SP140: variants seen among roughly 807,000 people sequenced by gnomAD.
The protein encoded by SP140 is nuclear body protein SP140.
In SP140, 81 loss-of-function variants were observed where a neutral mutation model predicts 125.0. That is an observed-to-expected ratio of 0.65 (90% confidence interval 0.54 to 0.78). The LOEUF (loss-of-function observed/expected upper bound fraction) is 0.78, where lower values mean the gene tolerates loss of function less well. Ranked by LOEUF, SP140 falls within the 30% of genes least tolerant of loss-of-function variation. SP140 has a pLI of 0.00. For missense variants in SP140, 858 were observed against 1,037.0 expected (o/e 0.83, Z 2.37); for synonymous variants, 312 against 354.0 (o/e 0.88, Z 1.33).
chr2:230,257,494 C>T (rs1432037892), intron 12 of SP140, among the ~76,000 whole-genome samples: 1 of 152,144 alleles, frequency 6.6e-6, no homozygotes, highest in African/African-American at 2.4e-5. Flanking sequence ...AGGCTGGGTG[C>T]AGTGGGTCAC....
rs1167489264 is a variant in SP140 at position 230,211,510 on chromosome 2, G to A, written c.-322-2144G>A. 1.5e-5 allele frequency: 24 copies of A among 1,612,030 alleles called. No homozygotes were observed. The highest frequency in any genetic ancestry group is 2.0e-5 in the Non-Finnish European group (24 of 1,178,084). On this transcript the variant is annotated intron_variant, in intron 1 of 4. Coordinates refer to the SP140 transcript ENST00000456542. This position sits in a 1 kb window ranked among gnomAD's most constrained non-coding sequence, Gnocchi z 4.2. ...AGGGAGAGTGGGGCATCTCTTGAGGGTCTTCTTTATCTCTTATTTGGGGGA... is the reference window on the plus strand; with the variant it reads ...AGGGAGAGTGGGGCATCTCTTGAGGATCTTCTTTATCTCTTATTTGGGGGA...
chr2:230,188,038 A>G, the SP140 span, among the ~76,000 whole-genome samples: 146,675 of 152,288 alleles, frequency 0.96, 70,671 homozygotes, highest in East Asian at 1. Flanking sequence ...AATGATGTTG[A>G]TATTTGATAA....
Position 230,234,706 on chromosome 2 carries a change from A to G in SP140, c.60-2377A>G, listed in dbSNP as rs557471707. On this transcript the variant is annotated intron_variant, in intron 1 of 26. Coordinates refer to ENST00000392045, the MANE Select transcript of SP140 (RefSeq NM_007237.5). The stretch of plus-strand genomic sequence containing the variant: ...TGGGAAATTCTCCCTCCTTTATCTT[A>G]TAAAAATTTTCATTCACTTTTTAAA... Among the ~76,000 whole-genome samples, 27 of 152,148 alleles carry G rather than the reference A, an allele frequency of 1.8e-4. 1 individual carries two copies. Among genetic ancestry groups the G allele is most frequent in the African/African-American group, 5.5e-4 (23 of 41,488 alleles).
chr2:230,221,203 C>A (rs1353594702), upstream of SP140, among the ~76,000 whole-genome samples: 1 of 151,732 alleles, frequency 6.6e-6, no homozygotes, highest in African/African-American at 2.4e-5. Context: ...ATTGCTTGAA[C>A]CCAGGAGGTG....
chr2:230,192,962 A>G, the SP140 span, among the ~76,000 whole-genome samples: 2 of 152,140 alleles, frequency 1.3e-5, no homozygotes, highest in Non-Finnish European at 2.9e-5. Flanking sequence ...GAAGTTCCCC[A>G]CTATTATTGT....
At chr2:230,190,193 C>T in the SP140 span, among the ~76,000 whole-genome samples, 10 of 152,336 alleles carry the variant, frequency 6.6e-5, no homozygotes, top group South Asian at 2.1e-3. Context: ...ATTCCTATTT[C>T]TCCACAGCCT....
chr2:230,270,553 T>G, intron 14 of SP140, 33 bp from the exon 15 acceptor site: 2 of 1,578,320 alleles, frequency 1.3e-6, no homozygotes, highest in East Asian at 2.2e-5. Context: ...TTTATTAATT[T>G]CTGTTTCCTC....
Position 230,211,256 on chromosome 2 carries a change from C to T in SP140, c.-322-2398C>T, listed in dbSNP as rs1222293658. On this transcript the variant is annotated intron_variant, in intron 1 of 4. Coordinates refer to the SP140 transcript ENST00000456542. This position sits in a 1 kb window ranked among gnomAD's most constrained non-coding sequence, Gnocchi z 4.2. ...CCTATCCAAGTCTACCTTTTCCAGA[C>T]TTGCCTCCTTTGCCCTCCCCCAGGG... 6.6e-6 allele frequency among the ~76,000 whole-genome samples: 1 copy of T among 152,194 alleles called. No homozygotes were observed. The highest frequency in any genetic ancestry group is 1.9e-4 in the East Asian group (1 of 5,182).
intron 12 of SP140, among the ~76,000 whole-genome samples, chr2:230,261,301 G>A (rs371470109): frequency 2.2e-4 from 33 of 152,164 alleles, no homozygotes; most frequent in Admixed American, 8.5e-4. Flanking sequence ...TACATTAATC[G>A]TGTATCCAGA....
At chr2:230,242,076 T>C (rs1381179550) in intron 4 of SP140, among the ~76,000 whole-genome samples, 1 of 150,282 alleles carries the variant, frequency 6.7e-6, no homozygotes, top group African/African-American at 2.5e-5. Context: ...GAAACAGAAA[T>C]GGAAAGAGAG....
chr2:230,316,120 C>T (rs1312116265), downstream of SP140, among the ~76,000 whole-genome samples: 2 of 152,198 alleles, frequency 1.3e-5, no homozygotes, highest in Admixed American at 1.3e-4. Flanking sequence ...GAATACATTA[C>T]ATTCGTCCAC....
At chr2:230,250,888 T>C (rs9989792) in intron 9 of SP140, 93 bp from the exon 10 acceptor site, 421,905 of 1,417,410 alleles carry the variant, frequency 0.3, 64,784 homozygotes, top group Middle Eastern at 0.37. Context: ...GCCTGGGTGA[T>C]GGACAGCCCC....
intron 5 of SP140, among the ~76,000 whole-genome samples, chr2:230,244,780 T>C (rs1391332072): frequency 6.6e-6 from 1 of 151,802 alleles, no homozygotes. Context: ...GAGTGTGTGG[T>C]AACCAAAAAG....
chr2:230,211,344 T>C lies in SP140; in HGVS notation c.-322-2310T>C. On this transcript the variant is annotated intron_variant, in intron 1 of 4. Coordinates refer to the SP140 transcript ENST00000456542. This position sits in a 1 kb window ranked among gnomAD's most constrained non-coding sequence, Gnocchi z 4.2. ...TCAAGCTCCCAAGTGCTGGGTGAAC[T>C]GGAAGCTGGGCCAAGATTGCTGAGA... 1.4e-6 allele frequency: 1 copy of C among 738,014 alleles called. No individual in the cohort carries two copies. 45.7% of individuals were successfully genotyped at this position (738,014 alleles called of 1,614,324 possible).
intron 1 of SP140, among the ~76,000 whole-genome samples, chr2:230,229,222 G>A (rs1347856652): frequency 6.6e-6 from 1 of 151,552 alleles, no homozygotes; most frequent in Non-Finnish European, 1.5e-5. Context: ...GACTGACAAT[G>A]TTAAAAAGAA....
intron 26 of SP140, 111 bp from the exon 27 acceptor site, chr2:230,312,475 A>G: frequency 3.0e-6 from 2 of 669,562 alleles, no homozygotes; most frequent in East Asian, 2.9e-5. Context: ...TAAATTGTAG[A>G]CTTACAGTAC....
chr2:230,223,490 T>G (rs1314320310), upstream of SP140, among the ~76,000 whole-genome samples: 1 of 152,208 alleles, frequency 6.6e-6, no homozygotes, highest in African/African-American at 2.4e-5. Flanking sequence ...CCCAATATAG[T>G]TCTAAGAAAT....
At chr2:230,216,100 G>A (rs1011364713) in intron 3 of SP140, among the ~76,000 whole-genome samples, 1 of 152,190 alleles carries the variant, frequency 6.6e-6, no homozygotes, top group South Asian at 2.1e-4. Flanking sequence ...GTGCCTGCCT[G>A]TCTCACATCA....
At chr2:230,189,612 C>T in the SP140 span, among the ~76,000 whole-genome samples, 156 of 152,202 alleles carry the variant, frequency 1.0e-3, no homozygotes, top group Non-Finnish European at 2.0e-3. Context: ...ACGTGCAGAA[C>T]ATGCAGGTTT....
Sources: gnomAD v4.1 joint callset for allele counts (sites outside exome capture counted in the v4.1 genomes callset) on GRCh38, gnomAD v4.1.1 for gene constraint, Gnocchi (gnomAD v3.1) non-coding constraint, MANE v1.5 for transcripts, NCBI Gene and HGNC (gene_info 2026-07-23, HGNC 2026-07-21) for gene names.